The following MARCHF1 variants were observed in gnomAD, a reference collection of about 807,000 sequenced individuals.
MARCHF1 encodes the protein membrane associated ring-CH-type finger 1, also known as E3 ubiquitin-protein ligase MARCHF1.
Under a neutral mutation model 54.2 loss-of-function variants are expected in MARCHF1, and 40 were observed. That is an observed-to-expected ratio of 0.74 (90% CI 0.57 to 0.96). The LOEUF (loss-of-function observed/expected upper bound fraction) is 0.96. MARCHF1 is among the 40% of genes least tolerant of loss of function. The probability of loss-of-function intolerance (pLI) is 0.00; values close to 1 mark genes in which losing one functional copy is unlikely to be tolerated. For synonymous variants in MARCHF1, 236 were observed against 236.3 expected (o/e 1.00, Z 0.01); for missense variants, 586 against 656.5 (o/e 0.89, Z 1.17).
chr4:163,675,177 A>G (rs1403671294), intron 5 of MARCHF1, among the ~76,000 whole-genome samples: 1 of 152,264 alleles, frequency 6.6e-6, no homozygotes, highest in Admixed American at 6.5e-5. Context: ...GTATAAAAAC[A>G]AGAATCAGAT....
At chr4:164,122,488 A>T (rs554666535) in intron 1 of MARCHF1, among the ~76,000 whole-genome samples, 1 of 152,208 alleles carries the variant, frequency 6.6e-6, no homozygotes, top group East Asian at 1.9e-4. Flanking sequence ...CCATTTGTAT[A>T]ATAAGATTAG....
In MARCHF1 at chr4:163,935,265, C is replaced by G. The variant is rs1751768602; in HGVS notation, c.-39+53236G>C. On this transcript the variant is annotated intron_variant, in intron 3 of 9. Transcript: ENST00000514618. Reference sequence around the variant, plus strand: ...CATTATCCTCTAACAGAAGAGTCAGCCTGTCTTTTGAAGCTTTGAAGTCGG... The same window carrying G: ...CATTATCCTCTAACAGAAGAGTCAGGCTGTCTTTTGAAGCTTTGAAGTCGG... Among the ~76,000 whole-genome samples the G allele has an allele frequency of 2.0e-5, 3 of 152,144 alleles. No individual in the cohort carries two copies. The South Asian group carries it at 6.2e-4, about 31-fold the overall frequency.
At chr4:164,016,839 A>G (rs1178392179) in intron 2 of MARCHF1, among the ~76,000 whole-genome samples, 4 of 152,154 alleles carry the variant, frequency 2.6e-5, no homozygotes, top group Admixed American at 6.6e-5. Flanking sequence ...GAAATGATAA[A>G]TAATTGTGAT....
chr4:163,724,901 T>A (rs1197670985), intron 4 of MARCHF1, among the ~76,000 whole-genome samples: 1 of 152,122 alleles, frequency 6.6e-6, no homozygotes, highest in Non-Finnish European at 1.5e-5. Context: ...CCAGGTGCCG[T>A]CTGTCACCCC....
At chr4:163,742,395 C>CT (rs1333633406) in intron 4 of MARCHF1, among the ~76,000 whole-genome samples, 1,623 of 52,560 alleles carry the variant, frequency 0.031, 24 homozygotes, top group Middle Eastern at 0.081. Context: ...TCCTTCCTTC[C>CT]TCCCTTCCTT....
At chr4:163,962,597 C>T (rs558738286) in intron 3 of MARCHF1, among the ~76,000 whole-genome samples, 1 of 151,828 alleles carries the variant, frequency 6.6e-6, no homozygotes, top group Non-Finnish European at 1.5e-5. Flanking sequence ...GTACATTCTG[C>T]TTAGGCATTC....
intron 2 of MARCHF1, among the ~76,000 whole-genome samples, chr4:164,035,949 A>AAAC (rs1753986338): frequency 6.7e-6 from 1 of 150,012 alleles, no homozygotes; most frequent in Non-Finnish European, 1.5e-5. Flanking sequence ...AAAAAAAAAA[A>AAAC]AAAATTAACC....
At chr4:164,179,961 C>T (rs977224843) in intron 1 of MARCHF1, among the ~76,000 whole-genome samples, 1 of 147,902 alleles carries the variant, frequency 6.8e-6, no homozygotes, top group African/African-American at 2.5e-5. Flanking sequence ...AAAATTAACT[C>T]CATACTAGAT....
At chr4:164,054,766 TG>T (rs1412814954) in intron 2 of MARCHF1, among the ~76,000 whole-genome samples, 1 of 105,412 alleles carries the variant, frequency 9.5e-6, no homozygotes, top group Non-Finnish European at 1.8e-5. Flanking sequence ...TATCACACTC[TG>T]GGGACTGTTG....
intron 2 of MARCHF1, among the ~76,000 whole-genome samples, chr4:163,999,400 T>C (rs1753143148): frequency 6.6e-6 from 1 of 151,620 alleles, no homozygotes; most frequent in Non-Finnish European, 1.5e-5. Context: ...AAAAGATGGA[T>C]ATTAAATATT....
chr4:163,790,666 T>C (rs1747751022), intron 4 of MARCHF1, among the ~76,000 whole-genome samples: 1 of 152,120 alleles, frequency 6.6e-6, no homozygotes, highest in Admixed American at 6.6e-5. Context: ...AGCATAATTT[T>C]TTCACACTTT....
chr4:163,573,553 A>G (rs1739920329), intron 8 of MARCHF1, among the ~76,000 whole-genome samples: 1 of 147,350 alleles, frequency 6.8e-6, no homozygotes, highest in Admixed American at 7.0e-5. Flanking sequence ...ATGAGTGAGA[A>G]TACGCGGTGT....
chr4:164,091,742 C>T (rs942445141), intron 2 of MARCHF1, among the ~76,000 whole-genome samples: 2 of 151,820 alleles, frequency 1.3e-5, no homozygotes, highest in Non-Finnish European at 2.9e-5. Flanking sequence ...TGACTAAATA[C>T]TGGATATGTG....
chr4:163,777,306 C>T (rs1747334793), intron 4 of MARCHF1, among the ~76,000 whole-genome samples: 1 of 152,114 alleles, frequency 6.6e-6, no homozygotes, highest in South Asian at 2.1e-4. Context: ...CATTCATTTT[C>T]TTTTTGTGAT....
At chr4:163,861,159 C>A (rs144029915) in intron 3 of MARCHF1, among the ~76,000 whole-genome samples, 4 of 151,976 alleles carry the variant, frequency 2.6e-5, no homozygotes, top group Admixed American at 2.6e-4. Context: ...AACATTGTAA[C>A]AAAAATGAAG....
intron 2 of MARCHF1, among the ~76,000 whole-genome samples, chr4:164,022,023 A>G (rs1002538765): frequency 6.6e-6 from 1 of 152,118 alleles, no homozygotes; most frequent in Non-Finnish European, 1.5e-5. Context: ...AAAGCCTTCC[A>G]TCAATTCCAG....
intron 1 of MARCHF1, among the ~76,000 whole-genome samples, chr4:164,119,421 G>A (rs1290597219): frequency 6.7e-6 from 1 of 148,890 alleles, no homozygotes; most frequent in Admixed American, 6.7e-5. Flanking sequence ...AAATACAAAG[G>A]TCAATATAAA....
chr4:163,752,342 A>G (rs1746547492), intron 4 of MARCHF1, among the ~76,000 whole-genome samples: 1 of 152,202 alleles, frequency 6.6e-6, no homozygotes, highest in Non-Finnish European at 1.5e-5. Flanking sequence ...CTTGGATGAC[A>G]TTATTCTAAT....
At position 163,614,070 on chromosome 4, in the gene MARCHF1, T is replaced by C. The variant is rs569430892; in HGVS notation, c.163-677A>G. On this transcript the variant is annotated intron_variant, in intron 5 of 9. Coordinates refer to ENST00000514618, the MANE Select transcript of MARCHF1 (RefSeq NM_001394959.1). ...GTCCTACCTTTGAAACAGTATTTTC[T>C]TCACTCTATTTGACTTTAACCTGTT... 4.6e-5 allele frequency among the ~76,000 whole-genome samples: 7 copies of C among 152,246 alleles called. No individual in the cohort carries two copies. In the South Asian group the frequency reaches 1.5e-3, roughly 32 times the overall value.
Sources: gnomAD v4.1 joint callset for allele counts (sites outside exome capture counted in the v4.1 genomes callset) on GRCh38, gnomAD v4.1.1 for gene constraint, MANE v1.5 for transcripts, NCBI Gene and HGNC (gene_info 2026-07-23, HGNC 2026-07-21) for gene names.